WFDC1: variants seen among roughly 807,000 people sequenced by gnomAD.
WFDC1 encodes the protein WAP four-disulfide core domain protein 1.
WFDC1 carries 39 observed loss-of-function variants against 32.9 expected under a neutral mutation model. That is an observed-to-expected ratio of 1.19 (90% confidence interval 0.92 to 1.55). The LOEUF is 1.55. Among genes scored for constraint, WFDC1 ranks in the 40% most tolerant of loss-of-function variants. The pLI is 0.00. For missense variants in WFDC1, 386 were observed against 309.5 expected, an observed-to-expected ratio of 1.25 and a Z score of -1.85; for synonymous variants, 184 against 137.4, an observed-to-expected ratio of 1.34 and a Z score of -2.37.
At chr16:84,319,308 G>A in intron 3 of WFDC1, 123 bp from the exon 4 acceptor site, 2 of 1,381,568 alleles carry the variant, frequency 1.4e-6, no homozygotes, top group Non-Finnish European at 2.0e-6. Context: ...ACAGAGGCGA[G>A]GCCGCCTCTC....
chr16:84,326,675 C>T (rs1260403372), intron 5 of WFDC1: 2 of 571,842 alleles, frequency 3.5e-6, no homozygotes, highest in Middle Eastern at 4.2e-4. Flanking sequence ...GAGGTAAGAC[C>T]AGAAACATAG....
In WFDC1 at chr16:84,313,644, C is replaced by T. The variant is rs376035238; in HGVS notation, c.337+491C>T. 7.8e-4 allele frequency among the ~76,000 whole-genome samples: 119 copies of T among 152,332 alleles called. 2 individuals are homozygous for T. In the South Asian group the frequency reaches 0.022, roughly 28 times the overall value. On this transcript the variant is annotated intron_variant, in intron 2 of 6. Coordinates refer to ENST00000219454, the MANE Select transcript of WFDC1 (RefSeq NM_021197.4). ...GGTGTCCTCTAGCTTCCCACTCACC[C>T]CATCAACCCACCAGGCCCGCCACAC...
chr16:84,320,320 G>T (rs545780576), intron 4 of WFDC1, among the ~76,000 whole-genome samples: 2 of 152,148 alleles, frequency 1.3e-5, no homozygotes, highest in Non-Finnish European at 2.9e-5. Context: ...CAGCTTGTAG[G>T]GGGTATATCA....
At chr16:84,320,744 T>C (rs1876996141) in intron 4 of WFDC1, among the ~76,000 whole-genome samples, 2 of 152,134 alleles carry the variant, frequency 1.3e-5, no homozygotes, top group Admixed American at 6.5e-5. Flanking sequence ...GGGGCCCCTG[T>C]CCCCGCTTCG....
chr16:84,313,744 AG>A (rs1907787796), intron 2 of WFDC1, among the ~76,000 whole-genome samples: 1 of 152,176 alleles, frequency 6.6e-6, no homozygotes, highest in African/African-American at 2.4e-5. Flanking sequence ...TGCCCCAGAG[AG>A]GAGCGGGTGC....
At chr16:84,323,458 G>C (rs1349254023) in intron 4 of WFDC1, among the ~76,000 whole-genome samples, 1 of 152,172 alleles carries the variant, frequency 6.6e-6, no homozygotes, top group African/African-American at 2.4e-5. Context: ...CCATGGGGTG[G>C]GTAGCACGGC....
In WFDC1 at chr16:84,319,450, G is replaced by A. The variant is rs200578032; in HGVS notation, c.441G>A (p.Thr147=). The A allele has an allele frequency of 1.6e-4, 262 of 1,611,146 alleles. No individual in the cohort carries two copies. Among genetic ancestry groups the A allele is most frequent in the Non-Finnish European group, 1.9e-4 (221 of 1,179,904 alleles). ...CTGCAGCAGAGGCGTGCAGCACCACGGAGGATGGGGCCGAACCCCTGCTCT... is the reference window on the plus strand; with the variant it reads ...CTGCAGCAGAGGCGTGCAGCACCACAGAGGATGGGGCCGAACCCCTGCTCT... The part of the protein sequence containing the change: ...EVLQAEACST[T]EDGAEPLLCP... Residue 147 remains threonine (T), a synonymous_variant, in exon 4 of 7, where the codon ACG becomes ACA. Coordinates refer to ENST00000219454, the MANE Select transcript of WFDC1 (RefSeq NM_021197.4).
intron 1 of WFDC1, among the ~76,000 whole-genome samples, chr16:84,301,519 A>G (rs1906933186): frequency 6.6e-6 from 1 of 152,082 alleles, no homozygotes; most frequent in Admixed American, 6.6e-5. Flanking sequence ...CATCAAGACT[A>G]TGAAGATGCC....
At chr16:84,303,142 T>A (rs1907047701) in intron 1 of WFDC1, among the ~76,000 whole-genome samples, 1 of 151,852 alleles carries the variant, frequency 6.6e-6, no homozygotes, top group Admixed American at 6.6e-5. Flanking sequence ...CTACGCACGC[T>A]GAACTCTAAG....
chr16:84,316,551 G>A (rs1369231661), intron 2 of WFDC1: 2 of 152,202 alleles, frequency 1.3e-5, no homozygotes, highest in African/African-American at 4.8e-5. Flanking sequence ...CGCGAGGCCA[G>A]GAGTTTGGGA....
At chr16:84,310,499 T>C (rs1205210350) in intron 1 of WFDC1, among the ~76,000 whole-genome samples, 1 of 150,892 alleles carries the variant, frequency 6.6e-6, no homozygotes, top group Admixed American at 6.6e-5. Flanking sequence ...TGAAGAAGAA[T>C]GTGTACATGG....
intron 1 of WFDC1, among the ~76,000 whole-genome samples, chr16:84,304,090 C>G (rs1258490116): frequency 1.3e-5 from 2 of 152,232 alleles, no homozygotes. Context: ...GGTTGCACAT[C>G]CAGCTTGTTT....
At chr16:84,300,478 C>A (rs1225207937) in intron 1 of WFDC1, among the ~76,000 whole-genome samples, 4 of 152,266 alleles carry the variant, frequency 2.6e-5, no homozygotes, top group African/African-American at 7.2e-5. Flanking sequence ...CAAATGTACT[C>A]CCTGCACTCG....
At chr16:84,308,047 C>T (rs1005933376) in intron 1 of WFDC1, among the ~76,000 whole-genome samples, 7 of 152,230 alleles carry the variant, frequency 4.6e-5, no homozygotes, top group African/African-American at 9.6e-5. Context: ...TGGTCATTTT[C>T]ACTTTTCGTG....
chr16:84,301,739 G>T (rs244831), intron 1 of WFDC1, among the ~76,000 whole-genome samples: 5 of 152,090 alleles, frequency 3.3e-5, no homozygotes, highest in East Asian at 1.9e-4. Context: ...TGGCATGGAG[G>T]GGGGACTGGA....
chr16:84,321,624 T>TA (rs528892516), intron 4 of WFDC1, among the ~76,000 whole-genome samples: 3 of 152,308 alleles, frequency 2.0e-5, no homozygotes, highest in Non-Finnish European at 2.9e-5. Flanking sequence ...TCAAACCAGT[T>TA]AAAAAAATTC....
chr16:84,298,433 T>C (rs1201100797), intron 1 of WFDC1, among the ~76,000 whole-genome samples: 2 of 152,158 alleles, frequency 1.3e-5, no homozygotes, highest in African/African-American at 4.8e-5. Context: ...ACTTTCCAAT[T>C]GTATTGCTCC....
chr16:84,302,401 G>C (rs1268788227), intron 1 of WFDC1, among the ~76,000 whole-genome samples: 2 of 152,046 alleles, frequency 1.3e-5, no homozygotes, highest in African/African-American at 4.8e-5. Flanking sequence ...TTTCTAAAAA[G>C]CAGCGAGAAC....
At chr16:84,317,565 CTCTT>C (rs1908035802) in intron 2 of WFDC1, 1 of 152,182 alleles carries the variant, frequency 6.6e-6, no homozygotes, top group Admixed American at 6.5e-5. Flanking sequence ...GTGTGGGTGA[CTCTT>C]TCTGTTAAAA....
Sources: gnomAD v4.1 joint callset for allele counts (sites outside exome capture counted in the v4.1 genomes callset) on GRCh38, gnomAD v4.1.1 for gene constraint, MANE v1.5 for transcripts, NCBI Gene and HGNC (gene_info 2026-07-23, HGNC 2026-07-21) for gene names.